Variants in NTRK3 observed in about 807,000 individuals in gnomAD.
NTRK3 encodes the protein NT-3 growth factor receptor.
NTRK3 carries 24 observed loss-of-function variants against 91.7 expected under a neutral mutation model. The ratio of observed to expected loss-of-function variants is 0.26; its 90% CI spans 0.19 to 0.37. NTRK3 has a LOEUF of 0.37. Among genes scored for constraint, NTRK3 ranks in the 10% least tolerant of loss-of-function variants. The pLI is 1.00. For synonymous variants in NTRK3, 483 were observed against 404.0 expected (o/e 1.20, Z -2.34); for missense variants, 880 against 1,068.9 (o/e 0.82, Z 2.46).
chr15:87,881,776 G>A (rs1463801867), intron 17 of NTRK3, among the ~76,000 whole-genome samples: 1 of 152,126 alleles, frequency 6.6e-6, no homozygotes, highest in Non-Finnish European at 1.5e-5. Context: ...GAATAATTAA[G>A]AACGAATAAG....
intron 17 of NTRK3, among the ~76,000 whole-genome samples, chr15:87,921,099 A>G (rs745625956): frequency 1.6e-4 from 25 of 152,352 alleles, no homozygotes; most frequent in African/African-American, 2.9e-4. Flanking sequence ...ACTTTTCTGT[A>G]CATCTAAAAT....
At chr15:88,060,309 A>G (rs1178072905) in intron 13 of NTRK3, among the ~76,000 whole-genome samples, 1 of 150,460 alleles carries the variant, frequency 6.6e-6, no homozygotes, top group Non-Finnish European at 1.5e-5. Context: ...GCTTAAACCC[A>G]GGAGGTGGAG....
chr15:88,148,279 AC>A (rs1234784526), intron 5 of NTRK3, among the ~76,000 whole-genome samples: 2 of 152,228 alleles, frequency 1.3e-5, no homozygotes, highest in Middle Eastern at 3.2e-3. Context: ...TATTTGGATG[AC>A]TTCTACAACA....
chr15:87,919,942 C>T (rs1472033103), intron 17 of NTRK3, among the ~76,000 whole-genome samples: 11 of 152,194 alleles, frequency 7.2e-5, no homozygotes, highest in Non-Finnish European at 2.9e-5. Context: ...CCATGTCCCC[C>T]TCCTATCCTA....
At chr15:87,887,507 A>G (rs1209620955) in intron 17 of NTRK3, among the ~76,000 whole-genome samples, 2 of 152,214 alleles carry the variant, frequency 1.3e-5, no homozygotes, top group African/African-American at 4.8e-5. Context: ...GCAAAAGTAT[A>G]TACACAAAGT....
At chr15:87,981,088 AAT>A (rs1288848589) in intron 14 of NTRK3, 2 of 1,361,776 alleles carry the variant, frequency 1.5e-6, no homozygotes, top group East Asian at 5.0e-5. Flanking sequence ...TTTAGTACCA[AAT>A]CCCGTGCTGG....
chr15:87,953,464 G>T (rs1414071610), intron 14 of NTRK3, among the ~76,000 whole-genome samples: 2 of 152,206 alleles, frequency 1.3e-5, no homozygotes, highest in African/African-American at 2.4e-5. Flanking sequence ...AATGTTATTT[G>T]TTCTTACTAG....
At chr15:88,216,096 G>A (rs1411270041) in intron 3 of NTRK3, among the ~76,000 whole-genome samples, 1 of 152,146 alleles carries the variant, frequency 6.6e-6, no homozygotes, top group Non-Finnish European at 1.5e-5. Flanking sequence ...CTGGCCCAAG[G>A]TCATGGCTAG....
exon 19 of NTRK3, chr15:87,876,313 T>C (rs1446355185): frequency 4.3e-6 from 1 of 230,672 alleles, no homozygotes; most frequent in South Asian, 1.8e-4. Flanking sequence ...AATTAGAACA[T>C]TGTCCTGAAG....
intron 13 of NTRK3, among the ~76,000 whole-genome samples, chr15:88,086,849 A>G (rs116234702): frequency 0.026 from 4,002 of 152,244 alleles, 167 homozygotes; most frequent in African/African-American, 0.085. Flanking sequence ...ACCTGGAAGT[A>G]TGCAGCTCTC....
intron 15 of NTRK3, among the ~76,000 whole-genome samples, chr15:87,939,523 G>C (rs1399647153): frequency 6.6e-6 from 1 of 152,200 alleles, no homozygotes; most frequent in Non-Finnish European, 1.5e-5. Flanking sequence ...TTTGCCCTCT[G>C]TGGACAGAAA....
chr15:87,887,243 G>C (rs779901390), intron 17 of NTRK3, among the ~76,000 whole-genome samples: 3 of 152,136 alleles, frequency 2.0e-5, no homozygotes, highest in Non-Finnish European at 4.4e-5. Flanking sequence ...TTCTAACCAA[G>C]CAGCACAACC....
At chr15:87,892,861 A>G (rs2065919265) in intron 17 of NTRK3, among the ~76,000 whole-genome samples, 3 of 152,194 alleles carry the variant, frequency 2.0e-5, no homozygotes, top group Non-Finnish European at 1.5e-5. Context: ...AAGGAACAGG[A>G]GCCATGTAAA....
At chr15:88,132,698 G>A (rs1403046617) in intron 10 of NTRK3, among the ~76,000 whole-genome samples, 1 of 152,178 alleles carries the variant, frequency 6.6e-6, no homozygotes, top group African/African-American at 2.4e-5. Flanking sequence ...GTTCGGTTTA[G>A]AGGGCTATGA....
At chr15:88,175,538 T>C (rs916010221) in intron 5 of NTRK3, among the ~76,000 whole-genome samples, 1 of 152,226 alleles carries the variant, frequency 6.6e-6, no homozygotes, top group Non-Finnish European at 1.5e-5. Context: ...ATGATAATGA[T>C]CAATTTTAGA....
At chr15:88,246,188 A>G (rs1352317735) in intron 3 of NTRK3, among the ~76,000 whole-genome samples, 2 of 152,220 alleles carry the variant, frequency 1.3e-5, no homozygotes, top group African/African-American at 2.4e-5. Context: ...GCTCAAATAC[A>G]AGACTGCCTG....
intron 13 of NTRK3, among the ~76,000 whole-genome samples, chr15:88,069,358 A>C (rs1235804952): frequency 6.6e-6 from 1 of 152,228 alleles, no homozygotes; most frequent in Non-Finnish European, 1.5e-5. Flanking sequence ...TTGATGAGTC[A>C]CATTCAACAA....
chr15:87,880,262 C>A lies in NTRK3; in HGVS notation c.2292+8G>T. ...CCCAATCAAGATTCCTACGCACCCCCTTTTTACCTCCGTGTTTGAGAGTTG... is the reference window on the plus strand; with the variant it reads ...CCCAATCAAGATTCCTACGCACCCCATTTTTACCTCCGTGTTTGAGAGTTG... On this transcript the variant is annotated splice_region_variant and intron_variant, in intron 18 of 18. Transcript: ENST00000394480. The A allele has an allele frequency of 6.2e-7, 1 of 1,614,040 alleles. No individual in the cohort carries two copies. Among genetic ancestry groups the A allele is most frequent in the Non-Finnish European group, 8.5e-7 (1 of 1,180,006 alleles).
intron 13 of NTRK3, among the ~76,000 whole-genome samples, chr15:88,048,358 A>G (rs1040512678): frequency 7.9e-5 from 12 of 152,206 alleles, no homozygotes; most frequent in African/African-American, 2.7e-4. Flanking sequence ...ACGGGCTATC[A>G]AAGTGATGAG....
Sources: gnomAD v4.1 joint callset for allele counts (sites outside exome capture counted in the v4.1 genomes callset) on GRCh38, gnomAD v4.1.1 for gene constraint, MANE v1.5 for transcripts, NCBI Gene and HGNC (gene_info 2026-07-23, HGNC 2026-07-21) for gene names.